The following HPSE2 variants were observed in gnomAD, a reference collection of about 807,000 sequenced individuals.
The protein encoded by HPSE2 is inactive heparanase-2.
A neutral mutation model predicts 60.5 loss-of-function variants in HPSE2; 38 were observed. The observed-to-expected ratio is 0.63, with a 90% CI of 0.48 to 0.82. The LOEUF is 0.82. HPSE2 is among the 40% of genes least tolerant of loss of function. The pLI, the probability that HPSE2 is intolerant of heterozygous loss-of-function variation, is 0.00. For missense variants in HPSE2, 713 were observed against 740.4 expected (o/e 0.96, Z 0.43); for synonymous variants, 295 against 293.2 (o/e 1.01, Z -0.06).
chr10:98,550,360 A>G (rs1404519037), intron 9 of HPSE2, among the ~76,000 whole-genome samples: 2 of 151,250 alleles, frequency 1.3e-5, no homozygotes, highest in East Asian at 3.9e-4. Context: ...GTCATAGTTC[A>G]CTGCCTCACT....
chr10:99,142,477 T>C (rs565175394), intron 3 of HPSE2, among the ~76,000 whole-genome samples: 99 of 152,320 alleles, frequency 6.5e-4, no homozygotes, highest in African/African-American at 2.4e-3. Flanking sequence ...TGTAAATAAA[T>C]GAGGACATGC....
In HPSE2 at chr10:98,804,511, C is replaced by T. The variant is rs1214098525; in HGVS notation, c.611-60455G>A. Among the ~76,000 whole-genome samples the T allele has an allele frequency of 2.0e-5, 3 of 151,958 alleles. No individual in the cohort carries two copies. The East Asian group carries it at 5.8e-4, about 29-fold the overall frequency. On this transcript the variant is annotated intron_variant, in intron 3 of 11. Transcript: ENST00000370552. The stretch of plus-strand genomic sequence containing the variant: ...TTCTGAAAATAAGACATACAAATGG[C>T]ATACAGGCACATGAAATGGGGCTCA...
chr10:98,996,481 T>C (rs867972594), intron 3 of HPSE2, among the ~76,000 whole-genome samples: 1 of 152,170 alleles, frequency 6.6e-6, no homozygotes, highest in Non-Finnish European at 1.5e-5. Flanking sequence ...GACTCAGAAA[T>C]TCTGCTCCTA....
At chr10:99,227,914 T>C (rs114394889) in intron 2 of HPSE2, among the ~76,000 whole-genome samples, 4,163 of 149,284 alleles carry the variant, frequency 0.028, 190 homozygotes, top group African/African-American at 0.097. Flanking sequence ...TATATATATA[T>C]ACATAAAATT....
intron 3 of HPSE2, among the ~76,000 whole-genome samples, chr10:98,971,133 T>G (rs993226482): frequency 6.6e-6 from 1 of 152,202 alleles, no homozygotes; most frequent in African/African-American, 2.4e-5. Context: ...ATCCATCCAT[T>G]CATTTATTCA....
intron 2 of HPSE2, among the ~76,000 whole-genome samples, chr10:99,169,949 A>C (rs1366993341): frequency 1.3e-5 from 2 of 152,200 alleles, no homozygotes; most frequent in African/African-American, 4.8e-5. Context: ...AAAAAACAAA[A>C]TATGACTCTG....
chr10:98,667,135 A>C (rs1260237692), intron 6 of HPSE2, among the ~76,000 whole-genome samples: 1 of 152,124 alleles, frequency 6.6e-6, no homozygotes, highest in Non-Finnish European at 1.5e-5. Context: ...ATCCTCAGGG[A>C]CTATTATGAA....
intron 10 of HPSE2, among the ~76,000 whole-genome samples, chr10:98,483,609 T>TGG (rs1941329725): frequency 6.6e-6 from 1 of 152,192 alleles, no homozygotes; most frequent in Non-Finnish European, 1.5e-5. Flanking sequence ...CCTGCCCTAC[T>TGG]AAGTGATCGC....
At chr10:99,239,512 C>G (rs1849911980), upstream of HPSE2, among the ~76,000 whole-genome samples, 1 of 149,484 alleles carries the variant, frequency 6.7e-6, no homozygotes, top group Non-Finnish European at 1.5e-5. Flanking sequence ...TCACTGCAAC[C>G]TCCACCTCCG....
chr10:98,624,987 T>C (rs569594427), intron 7 of HPSE2, among the ~76,000 whole-genome samples: 1 of 152,246 alleles, frequency 6.6e-6, no homozygotes, highest in Non-Finnish European at 1.5e-5. Context: ...TTCAGGAAAT[T>C]TCCTAGAAAC....
the HPSE2 span, among the ~76,000 whole-genome samples, chr10:99,311,276 C>T: frequency 6.6e-6 from 1 of 152,278 alleles, no homozygotes. Flanking sequence ...AATGTGTAGG[C>T]ATACCTCATT....
At chr10:99,177,766 G>T (rs1014934501) in intron 2 of HPSE2, among the ~76,000 whole-genome samples, 3 of 152,074 alleles carry the variant, frequency 2.0e-5, no homozygotes, top group Admixed American at 2.0e-4. Context: ...TCTGGACCAA[G>T]CGACCTGATA....
At chr10:98,900,099 T>C (rs1165239174) in intron 3 of HPSE2, among the ~76,000 whole-genome samples, 1 of 152,114 alleles carries the variant, frequency 6.6e-6, no homozygotes, top group Non-Finnish European at 1.5e-5. Flanking sequence ...CCAAAAGGAA[T>C]AAAAGCATAT....
chr10:98,938,236 G>A (rs1263481034), intron 3 of HPSE2, among the ~76,000 whole-genome samples: 2 of 145,158 alleles, frequency 1.4e-5, no homozygotes, highest in South Asian at 2.1e-4. Flanking sequence ...AAAGCTGGAC[G>A]GAGAATGACT....
chr10:98,750,112 A>T (rs1589761352), intron 3 of HPSE2, among the ~76,000 whole-genome samples: 2 of 152,002 alleles, frequency 1.3e-5, no homozygotes, highest in South Asian at 4.2e-4. Flanking sequence ...AAGCATCACA[A>T]TTAAGGTGTC....
At chr10:99,299,245 T>C in the HPSE2 span, among the ~76,000 whole-genome samples, 1 of 152,122 alleles carries the variant, frequency 6.6e-6, no homozygotes, top group Non-Finnish European at 1.5e-5. Flanking sequence ...CTGGTCCCTA[T>C]TCCCCATTGC....
At chr10:99,106,555 T>A (rs1014746887) in intron 3 of HPSE2, among the ~76,000 whole-genome samples, 5 of 151,754 alleles carry the variant, frequency 3.3e-5, no homozygotes, top group Non-Finnish European at 7.4e-5. Flanking sequence ...TAATCTTTTT[T>A]ATAAGTTTTA....
intron 4 of HPSE2, among the ~76,000 whole-genome samples, chr10:98,722,196 T>C (rs1369939586): frequency 6.7e-6 from 1 of 148,598 alleles, no homozygotes; most frequent in Non-Finnish European, 1.5e-5. Flanking sequence ...GAAGATATAA[T>C]TAGTTATGAT....
Position 98,942,637 on chromosome 10 carries a change from T to G in HPSE2, c.611-198581A>C, listed in dbSNP as rs1002695103. ...AACACTTTCACACTGTTGGTGGGAC[T>G]GTCAACTAGTTCAACCATTGTAGAA... On this transcript the variant is annotated intron_variant, in intron 3 of 11. Transcript: ENST00000370552. 2.0e-5 allele frequency among the ~76,000 whole-genome samples: 3 copies of G among 152,198 alleles called. 1 individual carries two copies. The South Asian group carries it at 6.2e-4, about 31-fold the overall frequency.
Sources: gnomAD v4.1 joint callset for allele counts (sites outside exome capture counted in the v4.1 genomes callset) on GRCh38, gnomAD v4.1.1 for gene constraint, MANE v1.5 for transcripts, NCBI Gene and HGNC (gene_info 2026-07-23, HGNC 2026-07-21) for gene names.